MAPRE2: variants seen among roughly 807,000 people sequenced by gnomAD.
The protein encoded by MAPRE2 is microtubule associated protein RP/EB family member 2, also known as microtubule-associated protein RP/EB family member 2.
In MAPRE2, 13 loss-of-function variants were observed where a neutral mutation model predicts 43.2. That is an observed-to-expected ratio of 0.30 (90% confidence interval 0.20 to 0.48). The LOEUF (loss-of-function observed/expected upper bound fraction) is 0.48, where lower values mean the gene tolerates loss of function less well. Among genes scored for constraint, MAPRE2 ranks in the 20% least tolerant of loss-of-function variants. The pLI is 0.99. For missense variants in MAPRE2, 161 were observed against 400.2 expected, an observed-to-expected ratio of 0.40 and a Z score of 5.10; for synonymous variants, 135 against 148.8, an observed-to-expected ratio of 0.91 and a Z score of 0.68.
At chr18:34,983,888 C>G (rs1806180577) in intron 1 of MAPRE2, among the ~76,000 whole-genome samples, 1 of 152,168 alleles carries the variant, frequency 6.6e-6, no homozygotes, top group African/African-American at 2.4e-5. Context: ...CCTCAGCCCC[C>G]TTAAGTGCTG....
At chr18:34,984,185 G>T (rs1350216568) in intron 1 of MAPRE2, among the ~76,000 whole-genome samples, 3 of 152,108 alleles carry the variant, frequency 2.0e-5, no homozygotes, top group Non-Finnish European at 2.9e-5. Flanking sequence ...ATTCTAGAAA[G>T]GATATTTGAA....
chr18:35,079,473 A>G (rs1014264582), intron 2 of MAPRE2, among the ~76,000 whole-genome samples: 3 of 152,226 alleles, frequency 2.0e-5, no homozygotes, highest in Non-Finnish European at 4.4e-5. Flanking sequence ...GGACTTACTA[A>G]TGCAACATTT....
chr18:35,084,543 C>G (rs1348742502), intron 2 of MAPRE2, among the ~76,000 whole-genome samples: 1 of 152,160 alleles, frequency 6.6e-6, no homozygotes. Flanking sequence ...ATGATTATTA[C>G]TAGCTTATTT....
At chr18:35,056,044 T>TA (rs1475602775) in intron 1 of MAPRE2, among the ~76,000 whole-genome samples, 2 of 152,096 alleles carry the variant, frequency 1.3e-5, no homozygotes, top group African/African-American at 4.8e-5. Flanking sequence ...TTTTATTTTT[T>TA]ATCTGTATTT....
At chr18:35,017,853 G>A (rs2097039434) in intron 2 of MAPRE2, among the ~76,000 whole-genome samples, 1 of 151,312 alleles carries the variant, frequency 6.6e-6, no homozygotes. Context: ...AGCACTTCCA[G>A]TATTATGTTA....
chr18:35,133,728 G>A (rs1342459282), intron 6 of MAPRE2, among the ~76,000 whole-genome samples: 1 of 152,200 alleles, frequency 6.6e-6, no homozygotes, highest in Non-Finnish European at 1.5e-5. Flanking sequence ...ATGTGCAGGA[G>A]CACTGTCTGA....
At chr18:35,090,664 AG>A (rs1908099681) in intron 2 of MAPRE2, among the ~76,000 whole-genome samples, 1 of 151,138 alleles carries the variant, frequency 6.6e-6, no homozygotes, top group African/African-American at 2.4e-5. Context: ...CTTGGGAGGC[AG>A]AGGTTGCAGT....
intron 1 of MAPRE2, chr18:34,978,621 T>G: frequency 7.9e-7 from 1 of 1,265,978 alleles, no homozygotes; most frequent in Non-Finnish European, 1.1e-6. Context: ...CAAAAAGGGG[T>G]ATGGCTCTTG....
At chr18:35,046,561 G>C (rs985619245) in intron 1 of MAPRE2, among the ~76,000 whole-genome samples, 3 of 152,138 alleles carry the variant, frequency 2.0e-5, no homozygotes, top group Non-Finnish European at 4.4e-5. Flanking sequence ...CGGGGTAGTT[G>C]GAACTTGGAA....
At chr18:35,138,688 G>A (rs1201429226) in intron 6 of MAPRE2, among the ~76,000 whole-genome samples, 3 of 152,028 alleles carry the variant, frequency 2.0e-5, no homozygotes, top group African/African-American at 7.3e-5. Flanking sequence ...TTGATTCATT[G>A]ACTAATGAAA....
intron 2 of MAPRE2, among the ~76,000 whole-genome samples, chr18:35,033,432 T>C (rs1052530403): frequency 2.7e-4 from 40 of 149,302 alleles, no homozygotes; most frequent in Admixed American, 1.2e-3. Flanking sequence ...ACTGGAAGCA[T>C]TCCCTTTGAA....
At chr18:34,995,004 C>G (rs1330330589) in intron 1 of MAPRE2, among the ~76,000 whole-genome samples, 1 of 152,218 alleles carries the variant, frequency 6.6e-6, no homozygotes, top group African/African-American at 2.4e-5. Flanking sequence ...ATGTTAACCT[C>G]TAACCAACTC....
At chr18:35,135,943 C>G (rs1603404652) in intron 6 of MAPRE2, among the ~76,000 whole-genome samples, 2 of 152,190 alleles carry the variant, frequency 1.3e-5, no homozygotes, top group South Asian at 4.1e-4. Flanking sequence ...GATGGACATG[C>G]TTTGCTTTGA....
At chr18:35,018,148 G>T (rs759999763) in intron 2 of MAPRE2, among the ~76,000 whole-genome samples, 4 of 151,794 alleles carry the variant, frequency 2.6e-5, no homozygotes, top group Non-Finnish European at 4.4e-5. Flanking sequence ...CTTGCATCCT[G>T]GGAACGAAGC....
At chr18:35,070,130 A>ATT in intron 1 of MAPRE2, 65 bp from the exon 2 acceptor site, 1 of 1,450,264 alleles carries the variant, frequency 6.9e-7, no homozygotes, top group Middle Eastern at 1.8e-4. Context: ...TTGACCTCGA[A>ATT]TAGGTATCTT....
At position 34,979,579 on chromosome 18, in the gene MAPRE2, TA is replaced by T. The variant is rs74625358; in HGVS notation, c.-70+2510del. Reference sequence around the variant, plus strand: ...TGTAACTTTCTTGGTGGGAAGCATGTAAAAAAAAAACTGTTGGGAAAGTGTA... The same window carrying T: ...TGTAACTTTCTTGGTGGGAAGCATGTAAAAAAAAACTGTTGGGAAAGTGTA... On this transcript the variant is annotated intron_variant, in intron 1 of 7. Transcript: ENST00000413393. Among the ~76,000 whole-genome samples, 343 of 147,820 alleles carry T rather than the reference TA, an allele frequency of 2.3e-3. 1 individual carries two copies. Among genetic ancestry groups the T allele is most frequent in the Middle Eastern group, 3.5e-3 (1 of 284 alleles).
intron 5 of MAPRE2, among the ~76,000 whole-genome samples, chr18:35,127,875 T>G (rs1000232089): frequency 1.3e-5 from 2 of 152,228 alleles, no homozygotes; most frequent in Admixed American, 6.5e-5. Flanking sequence ...TCTTAGGTAC[T>G]GCTCATCTTT....
upstream of MAPRE2, chr18:35,041,219 A>C (rs544077408): frequency 2.3e-5 from 20 of 852,032 alleles, no homozygotes; most frequent in East Asian, 6.5e-4. Flanking sequence ...TGCCAGATGT[A>C]GGCCTGCCCC....
At chr18:34,994,298 A>G (rs1020566140) in intron 1 of MAPRE2, among the ~76,000 whole-genome samples, 3 of 152,228 alleles carry the variant, frequency 2.0e-5, no homozygotes, top group African/African-American at 7.2e-5. Flanking sequence ...CAAAACACGT[A>G]ATCTGTACAA....
Sources: gnomAD v4.1 joint callset for allele counts (sites outside exome capture counted in the v4.1 genomes callset) on GRCh38, gnomAD v4.1.1 for gene constraint, MANE v1.5 for transcripts, NCBI Gene and HGNC (gene_info 2026-07-23, HGNC 2026-07-21) for gene names.